Variants in PPP2R3A observed in about 807,000 individuals in gnomAD.
PPP2R3A encodes the protein protein phosphatase 2 regulatory subunit B''alpha, also known as serine/threonine-protein phosphatase 2A regulatory subunit B'' subunit alpha.
In PPP2R3A, 80 loss-of-function variants were observed where a neutral mutation model predicts 106.9. That is an observed-to-expected ratio of 0.75 (90% CI 0.62 to 0.90). The LOEUF is 0.90. PPP2R3A is among the 40% of genes least tolerant of loss of function. The pLI, the probability that PPP2R3A is intolerant of heterozygous loss-of-function variation, is 0.00. For synonymous variants in PPP2R3A, 483 were observed against 468.3 expected (o/e 1.03, Z -0.41); for missense variants, 1,386 against 1,350.4 (o/e 1.03, Z -0.41).
chr3:135,997,722 A>G (rs1367980863), intron 1 of PPP2R3A, among the ~76,000 whole-genome samples: 1 of 152,236 alleles, frequency 6.6e-6, no homozygotes, highest in African/African-American at 2.4e-5. Flanking sequence ...CCCAGTACTT[A>G]AGCCAGAAAT....
At chr3:135,993,625 GA>G (rs1358949859) in intron 1 of PPP2R3A, among the ~76,000 whole-genome samples, 1 of 152,156 alleles carries the variant, frequency 6.6e-6, no homozygotes, top group Non-Finnish European at 1.5e-5. Flanking sequence ...GCACAAACTA[GA>G]AATAGCTCAA....
At chr3:136,005,185 A>C (rs1028120826) in intron 2 of PPP2R3A, among the ~76,000 whole-genome samples, 3 of 152,200 alleles carry the variant, frequency 2.0e-5, no homozygotes, top group African/African-American at 7.2e-5. Flanking sequence ...ATTCTTTAAA[A>C]TACTGTGTAA....
intron 12 of PPP2R3A, among the ~76,000 whole-genome samples, chr3:136,103,908 A>G (rs1041060730): frequency 2.0e-5 from 3 of 152,162 alleles, no homozygotes; most frequent in Admixed American, 6.5e-5. Context: ...ATAAAGCTGA[A>G]TATCCTTCCC....
intron 5 of PPP2R3A, among the ~76,000 whole-genome samples, chr3:136,057,986 A>T (rs944368661): frequency 6.6e-6 from 1 of 152,198 alleles, no homozygotes; most frequent in Non-Finnish European, 1.5e-5. Flanking sequence ...TGTTGAAGAA[A>T]TATCTACACT....
At chr3:135,979,084 A>G (rs946567326) in intron 1 of PPP2R3A, among the ~76,000 whole-genome samples, 1 of 151,970 alleles carries the variant, frequency 6.6e-6, no homozygotes, top group South Asian at 2.1e-4. Context: ...TATTACTTTT[A>G]AAATATTTAT....
intron 7 of PPP2R3A, among the ~76,000 whole-genome samples, chr3:136,080,361 TAGA>T (rs1936744541): frequency 6.6e-6 from 1 of 152,190 alleles, no homozygotes; most frequent in Non-Finnish European, 1.5e-5. Flanking sequence ...AGAATGTCTG[TAGA>T]ATAGACCACT....
intron 2 of PPP2R3A, among the ~76,000 whole-genome samples, chr3:136,017,132 T>G (rs2107809222): frequency 6.6e-6 from 1 of 152,332 alleles, no homozygotes; most frequent in Admixed American, 6.5e-5. Context: ...TTAAGGAGGC[T>G]AAAGATATGA....
chr3:136,131,345 A>G (rs1449091244), intron 13 of PPP2R3A, among the ~76,000 whole-genome samples: 2 of 152,182 alleles, frequency 1.3e-5, no homozygotes, highest in Admixed American at 6.5e-5. Context: ...ATCAAAAAGT[A>G]GGCAAAGGAT....
chr3:136,056,240 A>G (rs1008818665), intron 5 of PPP2R3A, among the ~76,000 whole-genome samples: 1 of 152,232 alleles, frequency 6.6e-6, no homozygotes, highest in Non-Finnish European at 1.5e-5. Flanking sequence ...CTAAGGAGAC[A>G]TAACTAAATA....
At chr3:136,133,564 T>G (rs2108021080) in intron 13 of PPP2R3A, among the ~76,000 whole-genome samples, 1 of 152,188 alleles carries the variant, frequency 6.6e-6, no homozygotes, top group East Asian at 1.9e-4. Context: ...GTTTGGCAGT[T>G]TCTTAAAAAG....
Position 136,030,774 on chromosome 3 carries a change from ATATATATG to A in PPP2R3A, c.2262+3680_2262+3687del, listed in dbSNP as rs56985832. ...AGTATTCCATCACATATATATATAT[ATATATATG>A]TATGTATGTATGTATGTATGTATGT... On this transcript the variant is annotated intron_variant, in intron 3 of 13. Coordinates refer to ENST00000264977, the MANE Select transcript of PPP2R3A (RefSeq NM_002718.5). Among the ~76,000 whole-genome samples, 1,104 of 124,058 alleles carry A rather than the reference ATATATATG, an allele frequency of 8.9e-3. 20 individuals are homozygous for A. Among genetic ancestry groups the A allele is most frequent in the African/African-American group, 0.036 (1,015 of 27,972 alleles). 81.4% of individuals were successfully genotyped at this position (124,058 alleles called of 152,430 possible).
rs763291567 is a variant in PPP2R3A, at chr3:136,002,338, T to C, written c.840T>C (p.Asn280=). 2 of 1,613,790 alleles carry C rather than the reference T, an allele frequency of 1.2e-6. No homozygotes were observed. The part of the protein sequence containing the change: ...TISSSETVYM[N]VMTRLASYLK... ...CTAGCTCTGAAACTGTCTATATGAA[T>C]GTAATGACCAGGTTAGCATCCTATC... The change falls in exon 2 of 14, where the codon AAT becomes AAC. Residue 280 remains asparagine (N), a synonymous_variant. Coordinates refer to ENST00000264977, the MANE Select transcript of PPP2R3A (RefSeq NM_002718.5).
At chr3:136,107,839 T>A (rs1180001186) in intron 13 of PPP2R3A, among the ~76,000 whole-genome samples, 1 of 151,974 alleles carries the variant, frequency 6.6e-6, no homozygotes, top group Non-Finnish European at 1.5e-5. Flanking sequence ...GATTTAAAGG[T>A]TTTTTTGGCA....
At chr3:136,141,720 A>C (rs1306401907) in intron 13 of PPP2R3A, among the ~76,000 whole-genome samples, 1 of 152,216 alleles carries the variant, frequency 6.6e-6, no homozygotes, top group East Asian at 1.9e-4. Flanking sequence ...AGGTCCCAAG[A>C]CCATAACCTA....
chr3:136,108,488 C>A (rs980824285), intron 13 of PPP2R3A, among the ~76,000 whole-genome samples: 1 of 151,978 alleles, frequency 6.6e-6, no homozygotes, highest in African/African-American at 2.4e-5. Context: ...CAAATGGGAT[C>A]TTATTTATGT....
At chr3:136,130,697 G>T (rs1938377749) in intron 13 of PPP2R3A, among the ~76,000 whole-genome samples, 1 of 152,124 alleles carries the variant, frequency 6.6e-6, no homozygotes, top group Non-Finnish European at 1.5e-5. Context: ...AGCCTGCATT[G>T]CCAAGACAAT....
chr3:136,095,024 G>GC (rs1305095216), intron 10 of PPP2R3A, among the ~76,000 whole-genome samples: 3 of 152,282 alleles, frequency 2.0e-5, no homozygotes, highest in Non-Finnish European at 4.4e-5. Flanking sequence ...ATCTGCAGAT[G>GC]CCCCAAGGGA....
At chr3:136,135,733 CT>C (rs1409373282) in intron 13 of PPP2R3A, among the ~76,000 whole-genome samples, 1 of 152,110 alleles carries the variant, frequency 6.6e-6, no homozygotes, top group Non-Finnish European at 1.5e-5. Flanking sequence ...GTAGCTATTA[CT>C]ACTCCATATA....
At chr3:136,030,332 C>G (rs886319157) in intron 3 of PPP2R3A, among the ~76,000 whole-genome samples, 2 of 149,756 alleles carry the variant, frequency 1.3e-5, no homozygotes, top group Non-Finnish European at 3.0e-5. Flanking sequence ...TTTTTTGCCT[C>G]TTTATTCTTA....
Sources: allele counts gnomAD v4.1 joint callset (sites outside exome capture counted in the v4.1 genomes callset), GRCh38; gene constraint gnomAD v4.1.1; transcripts MANE v1.5; gene names NCBI Gene and HGNC (gene_info 2026-07-23, HGNC 2026-07-21).